The following IL1RL2 variants were observed in gnomAD, a reference collection of about 807,000 sequenced individuals.
IL1RL2 encodes interleukin-1 receptor-like 2.
In IL1RL2, 68 loss-of-function variants were observed where a neutral mutation model predicts 66.8. The observed-to-expected ratio is 1.02, with a 90% CI of 0.84 to 1.25. IL1RL2 has a LOEUF of 1.25. Among genes scored for constraint, IL1RL2 ranks in the 50% most tolerant of loss-of-function variants. IL1RL2 has a pLI of 0.00. For missense variants in IL1RL2, 729 were observed against 709.3 expected (o/e 1.03, Z -0.32); for synonymous variants, 305 against 264.6 (o/e 1.15, Z -1.48).
chr2:102,189,356 A>T, intron 3 of IL1RL2, 46 bp downstream of exon 3: 1 of 1,166,994 alleles, frequency 8.6e-7, no homozygotes, highest in Non-Finnish European at 1.2e-6. Flanking sequence ...GTGTATGTAT[A>T]AATTATTTTA....
At position 102,220,846 on chromosome 2, in the gene IL1RL2, C is replaced by T. The variant is rs187785945; in HGVS notation, c.991+829C>T. ...TTTTTCTAGAACCTAACAGAAAACACAGTGGTTGCTGTATGGAGTTAGCAA... is the reference window on the plus strand; with the variant it reads ...TTTTTCTAGAACCTAACAGAAAACATAGTGGTTGCTGTATGGAGTTAGCAA... On this transcript the variant is annotated intron_variant, in intron 8 of 11. Coordinates refer to ENST00000264257, the MANE Select transcript of IL1RL2 (RefSeq NM_003854.4). Among the ~76,000 whole-genome samples, 115 of 152,330 alleles carry T rather than the reference C, an allele frequency of 7.5e-4. 4 individuals carry two copies. The highest frequency in any genetic ancestry group is 1.1e-3 in the Admixed American group (17 of 15,302).
chr2:102,200,978 T>G (rs925224502), intron 4 of IL1RL2, among the ~76,000 whole-genome samples: 2 of 152,152 alleles, frequency 1.3e-5, no homozygotes, highest in African/African-American at 4.8e-5. Flanking sequence ...TATTTTGGAC[T>G]TCTATAAAGT....
Position 102,239,431 on chromosome 2 carries a change from C to T in IL1RL2, c.*190C>T. The T allele has an allele frequency of 1.8e-6, 1 of 570,218 alleles. No homozygotes were observed. Among genetic ancestry groups the T allele is most frequent in the Non-Finnish European group, 3.2e-6 (1 of 308,506 alleles). The allele number at this position is 570,218 out of a possible 1,614,324, so 35.3% of individuals were successfully genotyped here. A position where few individuals can be genotyped will look rare whatever the true frequency, so the allele number is the denominator to read the frequency against. On this transcript the variant is annotated 3_prime_UTR_variant, in exon 12 of 12. Transcript: ENST00000264257. Reference sequence around the variant, plus strand: ...ATCCCCATGTCATGGTGGGTGAGAGCTGGGGCCATCCCCGTGGTCATGGAG... The same window carrying T: ...ATCCCCATGTCATGGTGGGTGAGAGTTGGGGCCATCCCCGTGGTCATGGAG...
At chr2:102,215,675 G>C (rs1484615343) in intron 6 of IL1RL2, among the ~76,000 whole-genome samples, 1 of 152,022 alleles carries the variant, frequency 6.6e-6, no homozygotes, top group Non-Finnish European at 1.5e-5. Context: ...GAACCAACAT[G>C]GTAGCCCAGC....
At chr2:102,231,912 C>A (rs1449764668) in intron 9 of IL1RL2, among the ~76,000 whole-genome samples, 1 of 152,190 alleles carries the variant, frequency 6.6e-6, no homozygotes, top group Non-Finnish European at 1.5e-5. Context: ...AGGGAGTCAT[C>A]CAGTTTTGCC....
intron 6 of IL1RL2, among the ~76,000 whole-genome samples, chr2:102,215,650 A>G (rs1689549037): frequency 6.6e-6 from 1 of 152,050 alleles, no homozygotes; most frequent in African/African-American, 2.4e-5. Flanking sequence ...GTGTGCACAC[A>G]CACCCTTGGC....
intron 11 of IL1RL2, among the ~76,000 whole-genome samples, chr2:102,238,563 C>T (rs959384302): frequency 5.9e-5 from 9 of 152,200 alleles, no homozygotes; most frequent in South Asian, 2.1e-4. Context: ...GACCTTTCCT[C>T]GGCACTTGGT....
At chr2:102,235,776 C>T (rs1674825131) in intron 11 of IL1RL2, 1 of 985,286 alleles carries the variant, frequency 1.0e-6, no homozygotes, top group Non-Finnish European at 1.2e-6. Flanking sequence ...GGGTCATTTG[C>T]TGTGTCTGCG....
At chr2:102,236,887 G>A (rs898838503) in intron 11 of IL1RL2, among the ~76,000 whole-genome samples, 1 of 152,202 alleles carries the variant, frequency 6.6e-6, no homozygotes, top group African/African-American at 2.4e-5. Flanking sequence ...AGTGACACAT[G>A]TTGGAAAGAG....
At chr2:102,220,831 A>G (rs919235042) in intron 8 of IL1RL2, among the ~76,000 whole-genome samples, 1 of 152,114 alleles carries the variant, frequency 6.6e-6, no homozygotes, top group African/African-American at 2.4e-5. Context: ...TTTTTCTAGA[A>G]CCTAACAGAA....
intron 5 of IL1RL2, among the ~76,000 whole-genome samples, chr2:102,207,278 T>C (rs1052214881): frequency 1.2e-4 from 18 of 152,084 alleles, no homozygotes; most frequent in Non-Finnish European, 2.4e-4. Flanking sequence ...CAAGACAAAC[T>C]TTTCCTTCTG....
intron 1 of IL1RL2, chr2:102,187,420 G>A (rs1255148828): frequency 9.0e-7 from 1 of 1,109,138 alleles, no homozygotes; most frequent in East Asian, 6.7e-5. Flanking sequence ...GGTGGATCCC[G>A]AGGACACAGG....
At chr2:102,187,598 G>A (rs546798184) in intron 1 of IL1RL2, among the ~76,000 whole-genome samples, 11 of 152,254 alleles carry the variant, frequency 7.2e-5, no homozygotes, top group African/African-American at 2.4e-4. Flanking sequence ...CACCGCCGCC[G>A]CCGCCTACTC....
Position 102,220,002 on chromosome 2 carries a change from A to G in IL1RL2, c.976A>G (p.Ile326Val). ...CGCTGGAGTGTCCACAGCATACATTATATTACAGCTCCCAGGTAATACTCC... is the reference window on the plus strand; with the variant it reads ...CGCTGGAGTGTCCACAGCATACATTGTATTACAGCTCCCAGGTAATACTCC... ...CHAGVSTAYI[I>V]LQLPAPDFRA... The change falls in exon 8 of 12, where the codon ATA becomes GTA. Residue 326 changes from isoleucine to valine, a missense_variant. Ile to Val is a conservative substitution (Grantham distance 29). Transcript: ENST00000264257. 6.2e-7 allele frequency: 1 copy of G among 1,611,820 alleles called. No homozygotes were observed. The highest frequency in any genetic ancestry group is 8.5e-7 in the Non-Finnish European group (1 of 1,178,182).
intron 9 of IL1RL2, among the ~76,000 whole-genome samples, chr2:102,226,868 G>A (rs965012666): frequency 1.1e-4 from 17 of 152,226 alleles, no homozygotes; most frequent in African/African-American, 3.4e-4. Flanking sequence ...TAACTGAGTT[G>A]AAGTACAGGG....
intron 6 of IL1RL2, among the ~76,000 whole-genome samples, chr2:102,216,841 A>G (rs1342135005): frequency 6.6e-6 from 1 of 152,184 alleles, no homozygotes; most frequent in Non-Finnish European, 1.5e-5. Context: ...TTGGTCACAT[A>G]AAAATACCCT....
rs1687601707 is a variant in IL1RL2 at position 102,195,557 on chromosome 2, TTCTCTTTCTTTCTTTCTTTCTTTCTTTC to T, written c.489+3439_489+3466del. ...GCATTCCCTTATTCTATTTCTTTCTTTCTCTTTCTTTCTTTCTTTCTTTCTTTCTTTCTTTCTTTCTTTCTTTCTTTCT... is the reference window on the plus strand; with the variant it reads ...GCATTCCCTTATTCTATTTCTTTCTTTTTCTTTCTTTCTTTCTTTCTTTCT... On this transcript the variant is annotated intron_variant, in intron 4 of 11. Coordinates refer to ENST00000264257, the MANE Select transcript of IL1RL2 (RefSeq NM_003854.4). Among the ~76,000 whole-genome samples the T allele has an allele frequency of 2.9e-4, 33 of 114,038 alleles. 2 individuals are homozygous for T. Among genetic ancestry groups the T allele is most frequent in the East Asian group, 1.1e-3 (4 of 3,748 alleles). 74.8% of individuals were successfully genotyped at this position (114,038 alleles called of 152,430 possible). A position where few individuals can be genotyped will look rare whatever the true frequency, so the allele number is the denominator to read the frequency against.
chr2:102,187,107 C>G (rs1446806783), intron 1 of IL1RL2, 21 bp downstream of exon 1: 5 of 1,289,528 alleles, frequency 3.9e-6, no homozygotes, highest in Non-Finnish European at 5.1e-6. Context: ...GGCCGGGAGT[C>G]TGGCTGAGCC....
intron 3 of IL1RL2, among the ~76,000 whole-genome samples, chr2:102,189,542 C>A (rs937325804): frequency 1.3e-5 from 2 of 152,236 alleles, no homozygotes; most frequent in African/African-American, 4.8e-5. Context: ...AGACCAGACC[C>A]ACTCACAAAG....
Sources: gnomAD v4.1 joint callset for allele counts (sites outside exome capture counted in the v4.1 genomes callset) on GRCh38, gnomAD v4.1.1 for gene constraint, MANE v1.5 for transcripts, NCBI Gene and HGNC (gene_info 2026-07-23, HGNC 2026-07-21) for gene names.